FAF1: variants seen among roughly 807,000 people sequenced by gnomAD.
The protein encoded by FAF1 is Fas associated factor 1.
A neutral mutation model predicts 92.5 loss-of-function variants in FAF1; 25 were observed. That is an observed-to-expected ratio of 0.27 (90% CI 0.20 to 0.38). FAF1 has a LOEUF of 0.38. FAF1 is among the 10% of genes least tolerant of loss of function. The pLI is 1.00. For missense variants in FAF1, 636 were observed against 793.3 expected, an observed-to-expected ratio of 0.80 and a Z score of 2.38; for synonymous variants, 234 against 273.2, an observed-to-expected ratio of 0.86 and a Z score of 1.42.
At chr1:50,916,756 A>C (rs1644921408) in intron 1 of FAF1, among the ~76,000 whole-genome samples, 1 of 152,252 alleles carries the variant, frequency 6.6e-6, no homozygotes, top group Admixed American at 6.5e-5. Context: ...ATGAAGTTTT[A>C]ATAATCAAAT....
At chr1:50,631,456 G>T (rs974470014) in intron 8 of FAF1, among the ~76,000 whole-genome samples, 3 of 152,056 alleles carry the variant, frequency 2.0e-5, no homozygotes, top group African/African-American at 4.8e-5. Flanking sequence ...GACTGTCAAG[G>T]TATCACAGTG....
chr1:50,534,625 T>A (rs986795102), intron 15 of FAF1, among the ~76,000 whole-genome samples: 2 of 152,126 alleles, frequency 1.3e-5, no homozygotes, highest in African/African-American at 4.8e-5. Flanking sequence ...ATGGTCACCT[T>A]ATTAAACTCT....
At position 50,440,354 on chromosome 1, in the gene FAF1, G is replaced by T. The variant is rs1359202234; in HGVS notation, c.*1086C>A. The T allele has an allele frequency of 6.6e-6, 1 of 152,170 alleles. No individual in the cohort carries two copies. The highest frequency in any genetic ancestry group is 1.5e-5 in the Non-Finnish European group (1 of 68,034). The allele number at this position is 152,170 out of a possible 1,614,324, so 9.4% of individuals were successfully genotyped here. A position where few individuals can be genotyped will look rare whatever the true frequency, so the allele number is the denominator to read the frequency against. On this transcript the variant is annotated 3_prime_UTR_variant, in exon 19 of 19. Transcript: ENST00000396153. ...AGGCAACACATGTCTTCTGAGTTGA[G>T]TCCCCAAGTTTGCTCTCTTCAACAT... is the stretch of plus-strand genomic sequence containing the variant.
At chr1:50,851,320 G>C (rs1238880751) in intron 2 of FAF1, among the ~76,000 whole-genome samples, 1 of 152,060 alleles carries the variant, frequency 6.6e-6, no homozygotes, top group African/African-American at 2.4e-5. Context: ...TGACCCACTC[G>C]CATTGGCTTC....
intron 18 of FAF1, among the ~76,000 whole-genome samples, chr1:50,445,289 T>C (rs754084425): frequency 6.6e-6 from 1 of 152,096 alleles, no homozygotes; most frequent in Non-Finnish European, 1.5e-5. Context: ...TGCCTTTGCA[T>C]TGAGGTAAGG....
rs189617511 is a variant in FAF1, at chr1:50,819,705, A to G, written c.115-18028T>C. ...TATATATATATACATATATATATACATATATATATACGTATATATATATAC... is the reference window on the plus strand; with the variant it reads ...TATATATATATACATATATATATACGTATATATATACGTATATATATATAC... On this transcript the variant is annotated intron_variant, in intron 2 of 18. Coordinates refer to ENST00000396153, the MANE Select transcript of FAF1 (RefSeq NM_007051.3). 2.5e-3 allele frequency among the ~76,000 whole-genome samples: 116 copies of G among 46,312 alleles called. 4 individuals carry two copies. The highest frequency in any genetic ancestry group is 7.4e-3 in the African/African-American group (94 of 12,688). The allele number at this position is 46,312 out of a possible 152,430, so 30.4% of individuals were successfully genotyped here.
chr1:50,722,670 A>T (rs1658464162), intron 6 of FAF1, among the ~76,000 whole-genome samples: 1 of 148,542 alleles, frequency 6.7e-6, no homozygotes, highest in African/African-American at 2.5e-5. Flanking sequence ...AAAAAGCCCT[A>T]TAAAATCTAA....
At chr1:50,796,356 C>T (rs533662541) in intron 3 of FAF1, among the ~76,000 whole-genome samples, 2 of 152,016 alleles carry the variant, frequency 1.3e-5, no homozygotes, top group East Asian at 1.9e-4. Flanking sequence ...TTTTTTTTTA[C>T]GGCACCTTTT....
chr1:50,728,789 T>C (rs1658771975), intron 6 of FAF1, among the ~76,000 whole-genome samples: 1 of 136,448 alleles, frequency 7.3e-6, no homozygotes, highest in Admixed American at 7.6e-5. Flanking sequence ...AGACTCCGTC[T>C]CAAAAAAAAA....
At chr1:50,810,532 G>A (rs1405576345) in intron 2 of FAF1, among the ~76,000 whole-genome samples, 3 of 152,122 alleles carry the variant, frequency 2.0e-5, no homozygotes, top group Non-Finnish European at 4.4e-5. Context: ...AGAAAAGGAT[G>A]CCCTCTCTCA....
intron 2 of FAF1, among the ~76,000 whole-genome samples, chr1:50,849,108 C>CA (rs371558804): frequency 0.015 from 2,240 of 151,446 alleles, 19 homozygotes; most frequent in Non-Finnish European, 0.023. Flanking sequence ...AATACACACA[C>CA]AAAAAAAAAT....
At chr1:50,841,286 T>C (rs17391311) in intron 2 of FAF1, among the ~76,000 whole-genome samples, 29,813 of 151,988 alleles carry the variant, frequency 0.2, 3,883 homozygotes, top group Middle Eastern at 0.42. Context: ...CTCTCATCTA[T>C]AGGCTTCAAA....
At chr1:50,731,083 G>A (rs1157131786) in intron 6 of FAF1, among the ~76,000 whole-genome samples, 2 of 152,200 alleles carry the variant, frequency 1.3e-5, no homozygotes, top group Non-Finnish European at 2.9e-5. Context: ...TAGAGCCAGA[G>A]TGATGGTCAC....
intron 8 of FAF1, among the ~76,000 whole-genome samples, chr1:50,598,976 A>C (rs1179245958): frequency 6.6e-6 from 1 of 152,220 alleles, no homozygotes; most frequent in Non-Finnish European, 1.5e-5. Flanking sequence ...GTCTCAAAAA[A>C]AAAAGAACAT....
intron 7 of FAF1, among the ~76,000 whole-genome samples, chr1:50,680,661 C>T (rs1391377576): frequency 2.0e-5 from 3 of 150,956 alleles, no homozygotes; most frequent in African/African-American, 7.3e-5. Context: ...CCAGCCTGGG[C>T]GATGAGTGAA....
intron 1 of FAF1, among the ~76,000 whole-genome samples, chr1:50,940,490 T>C (rs1645122674): frequency 6.6e-6 from 1 of 152,134 alleles, no homozygotes; most frequent in Non-Finnish European, 1.5e-5. Context: ...ATCAAACACG[T>C]GGTCTCAAGC....
At chr1:50,921,226 G>A (rs371302373) in intron 1 of FAF1, among the ~76,000 whole-genome samples, 3 of 152,200 alleles carry the variant, frequency 2.0e-5, no homozygotes, top group Non-Finnish European at 2.9e-5. Flanking sequence ...CCTAGGGACC[G>A]ACCTGCCCCA....
chr1:50,827,932 C>T (rs1340101960), intron 2 of FAF1, among the ~76,000 whole-genome samples: 1 of 152,048 alleles, frequency 6.6e-6, no homozygotes, highest in Non-Finnish European at 1.5e-5. Flanking sequence ...TAATTCTTCC[C>T]AGATTCATCT....
intron 2 of FAF1, among the ~76,000 whole-genome samples, chr1:50,852,075 GA>G (rs932949042): frequency 6.6e-5 from 10 of 151,290 alleles, no homozygotes; most frequent in African/African-American, 2.4e-4. Flanking sequence ...AAACAGGAAA[GA>G]AAAAAAGATT....
Sources: allele counts gnomAD v4.1 joint callset (sites outside exome capture counted in the v4.1 genomes callset), GRCh38; gene constraint gnomAD v4.1.1; transcripts MANE v1.5; gene names NCBI Gene and HGNC (gene_info 2026-07-23, HGNC 2026-07-21).